Variants in EML6 observed in about 807,000 individuals in gnomAD.
EML6 encodes the protein echinoderm microtubule-associated protein-like 6.
A neutral mutation model predicts 240.1 loss-of-function variants in EML6; 154 were observed. That is an observed-to-expected ratio of 0.64 (90% CI 0.56 to 0.73). EML6 has a LOEUF of 0.73. Among genes scored for constraint, EML6 ranks in the 30% least tolerant of loss-of-function variants. The pLI is 0.00. For synonymous variants in EML6, 1,148 were observed against 899.0 expected (o/e 1.28, Z -4.95); for missense variants, 2,964 against 2,474.6 (o/e 1.20, Z -4.20).
chr2:54,969,996 C>G, intron 41 of EML6, 75 bp from the exon 42 acceptor site: 3 of 1,496,158 alleles, frequency 2.0e-6, no homozygotes, highest in Non-Finnish European at 2.7e-6. Flanking sequence ...GAGCACTTGG[C>G]AAGATTGTTT....
rs563923496 is a variant in EML6, at chr2:54,753,382, T to C, written c.197+28124T>C. On this transcript the variant is annotated intron_variant, in intron 2 of 41. Coordinates refer to ENST00000356458, the MANE Select transcript of EML6 (RefSeq NM_001039753.4). ...GCAAAAGGGACTTTATCAATGTAAT[T>C]AAGTTAAGGATCTTAAAATGAGGAG... Among the ~76,000 whole-genome samples the C allele has an allele frequency of 2.6e-5, 4 of 152,284 alleles. No individual in the cohort carries two copies. The South Asian group carries it at 8.3e-4, about 32-fold the overall frequency.
chr2:54,893,419 A>G (rs1672584540), intron 19 of EML6, among the ~76,000 whole-genome samples: 1 of 152,128 alleles, frequency 6.6e-6, no homozygotes, highest in African/African-American at 2.4e-5. Context: ...AGGGTCCGAA[A>G]TCATCCTTTA....
At chr2:54,807,878 A>G (rs1183000048) in intron 2 of EML6, among the ~76,000 whole-genome samples, 1 of 152,180 alleles carries the variant, frequency 6.6e-6, no homozygotes, top group Non-Finnish European at 1.5e-5. Flanking sequence ...GTATGGCTGT[A>G]TTTTTAACCA....
intron 2 of EML6, among the ~76,000 whole-genome samples, chr2:54,789,812 C>T (rs1669329379): frequency 6.6e-6 from 1 of 152,184 alleles, no homozygotes; most frequent in Admixed American, 6.5e-5. Flanking sequence ...CCAGAGTTAA[C>T]TCCAGCACAC....
At position 54,859,770 on chromosome 2, in the gene EML6, T is replaced by C. The variant is rs1308392743; in HGVS notation, c.1825+69T>C. 5 of 1,326,868 alleles carry C rather than the reference T, an allele frequency of 3.8e-6. No individual in the cohort carries two copies. In the African/African-American group the frequency reaches 7.5e-5, roughly 20 times the overall value. 82.2% of individuals were successfully genotyped at this position (1,326,868 alleles called of 1,614,324 possible). A position where few individuals can be genotyped will look rare whatever the true frequency, so the allele number is the denominator to read the frequency against. On this transcript the variant is annotated intron_variant, in intron 12 of 41. Transcript: ENST00000356458. ...AGGCATTTCAAAGAATGGTCTAACA[T>C]GTATTCTATAGGTAAAGGATTTAAG...
intron 32 of EML6, among the ~76,000 whole-genome samples, chr2:54,956,894 A>G (rs2104513046): frequency 6.6e-6 from 1 of 152,380 alleles, no homozygotes; most frequent in South Asian, 2.1e-4. Flanking sequence ...GAGCTTAAAA[A>G]TAATGAGATT....
intron 16 of EML6, among the ~76,000 whole-genome samples, chr2:54,875,584 A>C (rs1205128600): frequency 6.6e-6 from 1 of 152,216 alleles, no homozygotes; most frequent in Non-Finnish European, 1.5e-5. Flanking sequence ...AAGCACAGTT[A>C]TGTGTGAGGA....
chr2:54,828,231 G>C (rs1337668491), intron 6 of EML6, among the ~76,000 whole-genome samples: 1 of 152,282 alleles, frequency 6.6e-6, no homozygotes, highest in East Asian at 1.9e-4. Context: ...AGGTGCCAGG[G>C]TGTCACCTCC....
At chr2:54,798,039 G>T (rs566962089) in intron 2 of EML6, among the ~76,000 whole-genome samples, 4 of 152,128 alleles carry the variant, frequency 2.6e-5, no homozygotes, top group Admixed American at 1.3e-4. Flanking sequence ...AAAAAAGCTT[G>T]TTGGAATTTC....
chr2:54,966,809 A>G, intron 38 of EML6, 191 bp from the exon 39 acceptor site: 1 of 430,860 alleles, frequency 2.3e-6, no homozygotes, highest in Non-Finnish European at 4.3e-6. Context: ...GGATGAGAAG[A>G]AAGATGGGAA....
chr2:54,960,016 A>G (rs1228435767), intron 34 of EML6, among the ~76,000 whole-genome samples: 5 of 152,184 alleles, frequency 3.3e-5, no homozygotes, highest in Non-Finnish European at 1.5e-5. Flanking sequence ...ATTTTAGGAA[A>G]TCTGCAAGCT....
intron 12 of EML6, among the ~76,000 whole-genome samples, chr2:54,861,785 TAATC>T (rs1249924906): frequency 1.1e-4 from 17 of 148,560 alleles, no homozygotes; most frequent in East Asian, 2.0e-4. Flanking sequence ...TTTTTTTTTT[TAATC>T]TAATGCACAG....
intron 28 of EML6, among the ~76,000 whole-genome samples, chr2:54,939,732 A>G (rs1433759376): frequency 6.6e-6 from 1 of 152,168 alleles, no homozygotes; most frequent in African/African-American, 2.4e-5. Flanking sequence ...CAACTTTCAT[A>G]CAAGAGATGG....
intron 24 of EML6, among the ~76,000 whole-genome samples, chr2:54,903,726 C>G (rs1223263618): frequency 6.6e-6 from 1 of 152,180 alleles, no homozygotes; most frequent in African/African-American, 2.4e-5. Context: ...ACTATTGATT[C>G]AAGCCATTGA....
At chr2:54,866,674 G>A (rs1670985683) in intron 13 of EML6, 92 bp from the exon 14 acceptor site, 1 of 597,330 alleles carries the variant, frequency 1.7e-6, no homozygotes, top group South Asian at 3.0e-5. Flanking sequence ...TTTTATTGAA[G>A]CAATTAAAGA....
chr2:54,891,495 A>G (rs1043428083), intron 18 of EML6, among the ~76,000 whole-genome samples: 3 of 152,166 alleles, frequency 2.0e-5, no homozygotes, highest in Non-Finnish European at 4.4e-5. Context: ...AATTTTATCT[A>G]TTTGGATGGT....
rs946124851 is a variant in EML6, at chr2:54,789,405, T to A, written c.198-23827T>A. ...GGCGGGCGCCTGTAGTCCCAGCTAC[T>A]CGGGAGGCTGAGGCAGGAGAATGGC... On this transcript the variant is annotated intron_variant, in intron 2 of 41. Transcript: ENST00000356458. 2.0e-5 allele frequency among the ~76,000 whole-genome samples: 3 copies of A among 149,188 alleles called. No individual in the cohort carries two copies. The South Asian group carries it at 6.4e-4, about 32-fold the overall frequency.
chr2:54,803,015 C>G (rs1008681576), intron 2 of EML6, among the ~76,000 whole-genome samples: 1 of 152,086 alleles, frequency 6.6e-6, no homozygotes, highest in Non-Finnish European at 1.5e-5. Context: ...GAAACAGGTC[C>G]CCTCTTTCCT....
intron 2 of EML6, among the ~76,000 whole-genome samples, chr2:54,788,777 A>G (rs949616771): frequency 6.6e-6 from 1 of 152,208 alleles, no homozygotes; most frequent in African/African-American, 2.4e-5. Context: ...TCTTCAGAAC[A>G]TATATTTTAG....
Sources: gnomAD v4.1 joint callset for allele counts (sites outside exome capture counted in the v4.1 genomes callset) on GRCh38, gnomAD v4.1.1 for gene constraint, MANE v1.5 for transcripts, NCBI Gene and HGNC (gene_info 2026-07-23, HGNC 2026-07-21) for gene names.